Variants in NFATC1 observed in about 807,000 individuals in gnomAD.
The protein encoded by NFATC1 is nuclear factor of activated T cells 1.
Under a neutral mutation model 76.0 loss-of-function variants are expected in NFATC1, and 22 were observed. That is an observed-to-expected ratio of 0.29 (90% confidence interval 0.21 to 0.41). NFATC1 has a LOEUF of 0.41. NFATC1 is among the 10% of genes least tolerant of loss of function. The pLI is 1.00. For missense variants in NFATC1, 1,357 were observed against 1,337.7 expected, an observed-to-expected ratio of 1.01 and a Z score of -0.23; for synonymous variants, 704 against 613.1, an observed-to-expected ratio of 1.15 and a Z score of -2.19.
intron 1 of NFATC1, among the ~76,000 whole-genome samples, chr18:79,403,648 C>A (rs1019594364): frequency 6.6e-6 from 1 of 152,266 alleles, no homozygotes; most frequent in African/African-American, 2.4e-5. Flanking sequence ...CTCTGGCAGT[C>A]GGGGCCACCC....
intron 1 of NFATC1, among the ~76,000 whole-genome samples, chr18:79,409,781 G>A (rs2085594801): frequency 6.6e-6 from 1 of 152,222 alleles, no homozygotes; most frequent in Non-Finnish European, 1.5e-5. Context: ...TCTGAAAACA[G>A]CGGTGAGCAG....
intron 9 of NFATC1, among the ~76,000 whole-genome samples, chr18:79,492,149 C>G (rs762157950): frequency 6.6e-6 from 1 of 152,118 alleles, no homozygotes; most frequent in Non-Finnish European, 1.5e-5. Context: ...CCACAGTGTC[C>G]GTGTTTGCAT....
chr18:79,398,708 C>T (rs544605024), intron 1 of NFATC1, among the ~76,000 whole-genome samples: 1 of 152,370 alleles, frequency 6.6e-6, no homozygotes, highest in South Asian at 2.1e-4. Flanking sequence ...TTAGTCTAAA[C>T]AGATGATAAG....
Position 79,410,113 on chromosome 18 carries a change from C to T in NFATC1, c.128-290C>T, listed in dbSNP as rs746384630. On this transcript the variant is annotated intron_variant, in intron 1 of 9. Coordinates refer to ENST00000427363, the MANE Select transcript of NFATC1 (RefSeq NM_001278669.2). The surrounding 1 kb of genome is among the most constrained non-coding windows in gnomAD (Gnocchi z 6.7). ...ATGAAGAGCGGAACCCGTGAGGACCCGGCCGCCTCTCCCTGGGAAGGACGT... is the reference window on the plus strand; with the variant it reads ...ATGAAGAGCGGAACCCGTGAGGACCTGGCCGCCTCTCCCTGGGAAGGACGT... 36 of 732,652 alleles carry T rather than the reference C, an allele frequency of 4.9e-5. No homozygotes were observed. Among genetic ancestry groups the T allele is most frequent in the East Asian group, 7.8e-5 (3 of 38,560 alleles). The allele number at this position is 732,652 out of a possible 1,614,324, so 45.4% of individuals were successfully genotyped here. A position where few individuals can be genotyped will look rare whatever the true frequency, so the allele number is the denominator to read the frequency against.
intron 2 of NFATC1, among the ~76,000 whole-genome samples, chr18:79,424,916 T>C (rs1416119274): frequency 1.4e-5 from 2 of 139,602 alleles, no homozygotes; most frequent in Non-Finnish European, 3.3e-5. Context: ...TCTCTGTCGC[T>C]CTGTCTCTCT....
intron 8 of NFATC1, among the ~76,000 whole-genome samples, chr18:79,475,170 GTTGTAAACC>G (rs2089006986): frequency 7.1e-6 from 1 of 141,016 alleles, no homozygotes; most frequent in African/African-American, 2.9e-5. Context: ...CACTGTCGAC[GTTGTAAACC>G]TGAGGGAAGC....
chr18:79,512,277 G>A (rs2090273007), intron 9 of NFATC1, among the ~76,000 whole-genome samples: 1 of 152,318 alleles, frequency 6.6e-6, no homozygotes, highest in African/African-American at 2.4e-5. Context: ...ACTGCCCTGG[G>A]AGGTAAATAA....
At chr18:79,521,120 G>A (rs1323315617) in intron 9 of NFATC1, among the ~76,000 whole-genome samples, 58 of 82,072 alleles carry the variant, frequency 7.1e-4, no homozygotes, top group Admixed American at 8.1e-4. Flanking sequence ...TGTGGGGGGC[G>A]TCTGCTGATG....
At chr18:79,419,681 G>A (rs1295283754) in intron 2 of NFATC1, among the ~76,000 whole-genome samples, 1 of 152,240 alleles carries the variant, frequency 6.6e-6, no homozygotes, top group Non-Finnish European at 1.5e-5. Context: ...CTGTGGTCCA[G>A]CTGGGAGGAA....
chr18:79,473,479 A>T (rs1335248377), intron 8 of NFATC1, among the ~76,000 whole-genome samples: 1 of 149,022 alleles, frequency 6.7e-6, no homozygotes, highest in East Asian at 2.0e-4. Context: ...AACCCCAGGG[A>T]AGCGTGTTCT....
At chr18:79,444,390 C>G (rs572206033) in intron 3 of NFATC1, among the ~76,000 whole-genome samples, 1 of 152,344 alleles carries the variant, frequency 6.6e-6, no homozygotes, top group South Asian at 2.1e-4. Flanking sequence ...GGAACCAGGA[C>G]AAGAGGTGTG....
At chr18:79,482,444 T>C (rs1600876112) in intron 8 of NFATC1, among the ~76,000 whole-genome samples, 1 of 132,064 alleles carries the variant, frequency 7.6e-6, no homozygotes, top group Non-Finnish European at 1.6e-5. Flanking sequence ...GGTCCTGGGG[T>C]GTCATTCCAG....
intron 7 of NFATC1, among the ~76,000 whole-genome samples, chr18:79,466,891 G>C (rs1018531320): frequency 2.0e-5 from 3 of 152,220 alleles, no homozygotes; most frequent in African/African-American, 7.2e-5. Flanking sequence ...CCATCACACA[G>C]TGGCTGGCGG....
At position 79,448,845 on chromosome 18, in the gene NFATC1, C is replaced by T. The variant is rs375389433; in HGVS notation, c.1450C>T (p.Arg484Cys). The T allele has an allele frequency of 3.3e-5, 53 of 1,613,676 alleles. No homozygotes were observed. Among genetic ancestry groups the T allele is most frequent in the Non-Finnish European group, 3.1e-5 (36 of 1,180,038 alleles). ...LQLFIGTADD[R>C]LLRPHAFYQV... ...GCTTTTCATTGGGACGGCGGACGAC[C>T]GCCTGCTGCGCCCGCACGCCTTCTA... The change falls in exon 4 of 10, where the codon CGC becomes TGC. Residue 484 changes from arginine to cysteine, a missense_variant. Physicochemically the swap from Arg to Cys is radical, Grantham distance 180. Transcript: ENST00000427363.
chr18:79,482,115 G>A (rs896764678), intron 8 of NFATC1, among the ~76,000 whole-genome samples: 3 of 148,772 alleles, frequency 2.0e-5, no homozygotes, highest in Non-Finnish European at 3.0e-5. Flanking sequence ...ACCTGGTCCT[G>A]GGGTGTCACT....
At chr18:79,509,232 C>G (rs1162101245) in intron 9 of NFATC1, among the ~76,000 whole-genome samples, 1 of 152,248 alleles carries the variant, frequency 6.6e-6, no homozygotes, top group East Asian at 1.9e-4. Flanking sequence ...TTTTCTGCAC[C>G]TGTCTCTAGC....
intron 2 of NFATC1, among the ~76,000 whole-genome samples, chr18:79,432,723 C>A (rs1023248946): frequency 1.3e-5 from 2 of 152,188 alleles, no homozygotes; most frequent in Non-Finnish European, 2.9e-5. Context: ...GATGCAAGAA[C>A]CCCTTGGGTG....
rs771673208 is a variant in NFATC1 at position 79,467,623 on chromosome 18, C to T, written c.2092+41C>T. On this transcript the variant is annotated intron_variant, in intron 8 of 9. Transcript: ENST00000427363. ...TAACCGTAAGCCGTGAACATGAGCG[C>T]GTGGGGTGCTTTTTCTAAAGACGCA... is the stretch of plus-strand genomic sequence containing the variant. The T allele has an allele frequency of 7.5e-6, 12 of 1,604,246 alleles. No individual in the cohort carries two copies. The East Asian group carries it at 9.0e-5, about 12-fold the overall frequency.
At position 79,410,195 on chromosome 18, in the gene NFATC1, G is replaced by A. The variant is rs545327966; in HGVS notation, c.128-208G>A. On this transcript the variant is annotated intron_variant, in intron 1 of 9. Transcript: ENST00000427363. This position sits in a 1 kb window ranked among gnomAD's most constrained non-coding sequence, Gnocchi z 6.7. ...GGGAGGTGGGCAGTGAGGGGCTCAC[G>A]GGAGCCTTGTTGGCCAGGTGGGACT... 1,165 of 804,800 alleles carry A rather than the reference G, an allele frequency of 1.4e-3. No individual in the cohort carries two copies. The highest frequency in any genetic ancestry group is 2.3e-3 in the Non-Finnish European group (1,075 of 472,068). 49.9% of individuals were successfully genotyped at this position (804,800 alleles called of 1,614,324 possible).
Sources: allele counts gnomAD v4.1 joint callset (sites outside exome capture counted in the v4.1 genomes callset), GRCh38; gene constraint gnomAD v4.1.1; non-coding constraint Gnocchi (gnomAD v3.1); transcripts MANE v1.5; gene names NCBI Gene and HGNC (gene_info 2026-07-23, HGNC 2026-07-21).